STRN3: variants seen among roughly 807,000 people sequenced by gnomAD.
STRN3 encodes the protein striatin 3.
In STRN3, 29 loss-of-function variants were observed where a neutral mutation model predicts 95.6. The observed-to-expected ratio is 0.30, with a 90% CI of 0.23 to 0.41. The LOEUF (loss-of-function observed/expected upper bound fraction) is 0.41. STRN3 is among the 10% of genes least tolerant of loss of function. The probability of loss-of-function intolerance (pLI) is 1.00; values close to 1 mark genes in which losing one functional copy is unlikely to be tolerated. For missense variants in STRN3, 890 were observed against 972.1 expected (o/e 0.92, Z 1.12); for synonymous variants, 331 against 357.6 (o/e 0.93, Z 0.84).
At chr14:30,941,695 G>T (rs756086388) in intron 5 of STRN3, among the ~76,000 whole-genome samples, 1 of 151,958 alleles carries the variant, frequency 6.6e-6, no homozygotes, top group Non-Finnish European at 1.5e-5. Flanking sequence ...GCATGATCTC[G>T]GCTCACTGCA....
intron 9 of STRN3, among the ~76,000 whole-genome samples, chr14:30,918,365 G>A (rs182438944): frequency 5.3e-5 from 8 of 151,958 alleles, no homozygotes; most frequent in East Asian, 1.9e-4. Context: ...AAAATTGGCC[G>A]GGGAATGGTG....
intron 14 of STRN3, 28 bp downstream of exon 14, chr14:30,906,849 T>G: frequency 6.3e-7 from 1 of 1,592,036 alleles, no homozygotes; most frequent in Non-Finnish European, 8.5e-7. Context: ...AAAAACTAAC[T>G]TTTCTCACAG....
chr14:30,917,813 G>A (rs770333990), intron 9 of STRN3, among the ~76,000 whole-genome samples: 5 of 152,054 alleles, frequency 3.3e-5, no homozygotes, highest in Non-Finnish European at 5.9e-5. Flanking sequence ...TCTTAAAAGG[G>A]AACAAGATGT....
intron 1 of STRN3, chr14:31,025,697 G>A (rs1883815674): frequency 2.7e-6 from 2 of 753,550 alleles, no homozygotes; most frequent in African/African-American, 3.6e-5. Flanking sequence ...CGCGTAGCCA[G>A]TGAAGGTTGG....
At chr14:30,924,287 CT>C (rs71112354) in intron 8 of STRN3, among the ~76,000 whole-genome samples, 50 of 77,238 alleles carry the variant, frequency 6.5e-4, no homozygotes, top group African/African-American at 2.2e-3. Context: ...TGCCTTAAAT[CT>C]TTTTTTTTTT....
chr14:30,919,161 C>T (rs551740615), intron 8 of STRN3, 55 bp from the exon 9 acceptor site: 209 of 1,452,508 alleles, frequency 1.4e-4, no homozygotes, highest in Non-Finnish European at 1.8e-4. Context: ...CTTGACTTTC[C>T]GGCAGCCTTT....
Position 30,956,248 on chromosome 14 carries a change from A to C in STRN3, c.283-6T>G. 1.2e-6 allele frequency: 2 copies of C among 1,611,472 alleles called. No homozygotes were observed. The highest frequency in any genetic ancestry group is 1.7e-6 in the Non-Finnish European group (2 of 1,178,114). On this transcript the variant is annotated splice_polypyrimidine_tract_variant and splice_region_variant and intron_variant, in intron 1 of 17. Transcript: ENST00000357479. ...TGTAGAAATGCAATCCGGGCCTAAAAATATAAAAGATGCATTTATTTACAT... is the reference window on the plus strand; with the variant it reads ...TGTAGAAATGCAATCCGGGCCTAAACATATAAAAGATGCATTTATTTACAT...
intron 4 of STRN3, among the ~76,000 whole-genome samples, chr14:30,948,018 G>C (rs751213442): frequency 6.6e-6 from 1 of 152,046 alleles, no homozygotes; most frequent in African/African-American, 2.4e-5. Flanking sequence ...AAAAAGACTA[G>C]ATCAGGACAC....
intron 8 of STRN3, among the ~76,000 whole-genome samples, chr14:30,924,675 T>C (rs1391819423): frequency 3.3e-5 from 5 of 152,076 alleles, no homozygotes. Context: ...CTGGGCAACA[T>C]ACAGAGATCC....
intron 1 of STRN3, among the ~76,000 whole-genome samples, chr14:30,957,919 T>C (rs922690219): frequency 4.6e-5 from 7 of 152,240 alleles, no homozygotes; most frequent in African/African-American, 1.7e-4. Flanking sequence ...GTTAAAACTT[T>C]AGTTATGATG....
intron 1 of STRN3, among the ~76,000 whole-genome samples, chr14:30,999,273 C>A (rs1287474301): frequency 6.6e-6 from 1 of 152,080 alleles, no homozygotes; most frequent in African/African-American, 2.4e-5. Flanking sequence ...GTCTCAAACT[C>A]CCAGGTCAAG....
At chr14:30,914,246 T>A (rs993232576) in intron 9 of STRN3, among the ~76,000 whole-genome samples, 1 of 152,224 alleles carries the variant, frequency 6.6e-6, no homozygotes, top group African/African-American at 2.4e-5. Flanking sequence ...ATTGTTCAGA[T>A]TCCTTTAGTA....
At chr14:30,962,518 C>T (rs1348166434) in intron 1 of STRN3, among the ~76,000 whole-genome samples, 1 of 152,118 alleles carries the variant, frequency 6.6e-6, no homozygotes, top group African/African-American at 2.4e-5. Context: ...CAGTGCCCTA[C>T]ACAGTTATAC....
chr14:30,931,725 A>G (rs994170778), intron 7 of STRN3, among the ~76,000 whole-genome samples: 8 of 152,262 alleles, frequency 5.3e-5, no homozygotes, highest in Admixed American at 5.2e-4. Flanking sequence ...GACAATGAGA[A>G]GAACTAAAAA....
At chr14:30,995,328 G>GAA in intron 1 of STRN3, among the ~76,000 whole-genome samples, 1 of 145,028 alleles carries the variant, frequency 6.9e-6, no homozygotes. Flanking sequence ...GGCCACAAAA[G>GAA]AAAAAAAAAA....
chr14:31,002,870 T>C (rs900361364), intron 1 of STRN3, among the ~76,000 whole-genome samples: 34 of 152,228 alleles, frequency 2.2e-4, no homozygotes, highest in African/African-American at 7.5e-4. Context: ...TTAATGGGTA[T>C]AGCTTCAGTT....
In STRN3 at chr14:30,956,877, G is replaced by A. The variant is rs1389059623; in HGVS notation, c.283-635C>T. On this transcript the variant is annotated intron_variant, in intron 1 of 17. Coordinates refer to ENST00000357479, the MANE Select transcript of STRN3 (RefSeq NM_001083893.2). ...TGAAATACTAGAAAATTTATAATCTGAGCTAGGCACGTGGCTCATGCCAGT... is the reference window on the plus strand; with the variant it reads ...TGAAATACTAGAAAATTTATAATCTAAGCTAGGCACGTGGCTCATGCCAGT... Among the ~76,000 whole-genome samples the A allele has an allele frequency of 3.3e-5, 5 of 152,214 alleles. No homozygotes were observed. In the East Asian group the frequency reaches 9.6e-4, roughly 29 times the overall value.
chr14:30,912,075 C>T lies in STRN3; in HGVS notation c.1482G>A (p.Val494=), dbSNP rs1181855608. The T allele has an allele frequency of 1.2e-6, 2 of 1,614,114 alleles. No individual in the cohort carries two copies. The highest frequency in any genetic ancestry group is 3.3e-5 in the Admixed American group (2 of 60,014). ...RALAFHPVEP[V]LVTASEDHTL... is the part of the protein sequence containing the mutation. Reference sequence around the variant, plus strand: ...TATGGTCCTCAGAAGCAGTAACCAGCACAGGTTCTACAGGATGAAAAGCTA... The same window carrying T: ...TATGGTCCTCAGAAGCAGTAACCAGTACAGGTTCTACAGGATGAAAAGCTA... Residue 494 remains valine, a synonymous_variant, in exon 11 of 18, where the codon GTG becomes GTA. Coordinates refer to ENST00000357479, the MANE Select transcript of STRN3 (RefSeq NM_001083893.2).
At chr14:30,976,037 A>G (rs150935934) in intron 1 of STRN3, among the ~76,000 whole-genome samples, 205 of 152,312 alleles carry the variant, frequency 1.3e-3, no homozygotes, top group African/African-American at 4.6e-3. Context: ...AAAACAGAAA[A>G]GAGTTACCAA....
Sources: gnomAD v4.1 joint callset for allele counts (sites outside exome capture counted in the v4.1 genomes callset) on GRCh38, gnomAD v4.1.1 for gene constraint, MANE v1.5 for transcripts, NCBI Gene and HGNC (gene_info 2026-07-23, HGNC 2026-07-21) for gene names.